Variants in PCDHGB5 observed in about 807,000 individuals in gnomAD.
PCDHGB5 encodes protocadherin gamma subfamily B, 5.
PCDHGB5 carries 48 observed loss-of-function variants against 62.9 expected under a neutral mutation model. The observed-to-expected ratio is 0.76, with a 90% CI of 0.61 to 0.97. PCDHGB5 has a LOEUF of 0.97. Ranked by LOEUF, PCDHGB5 falls within the 50% of genes least tolerant of loss-of-function variation. The pLI is 0.00. For synonymous variants in PCDHGB5, 474 were observed against 511.2 expected (o/e 0.93, Z 0.98); for missense variants, 1,118 against 1,198.6 (o/e 0.93, Z 0.99).
chr5:141,488,815 T>A (rs769851687), intron 1 of PCDHGB5, among the ~76,000 whole-genome samples: 30 of 152,144 alleles, frequency 2.0e-4, no homozygotes, highest in Non-Finnish European at 4.1e-4. Context: ...ATCTGAGCTG[T>A]CAAACTTTGC....
At chr5:141,499,025 GAAGA>G (rs1309889371) in intron 2 of PCDHGB5, among the ~76,000 whole-genome samples, 11 of 140,712 alleles carry the variant, frequency 7.8e-5, no homozygotes, top group African/African-American at 2.6e-4. Flanking sequence ...AGGAAGGAAG[GAAGA>G]AAAGAAAGAA....
At chr5:141,409,674 TAGTGGCG>T in intron 1 of PCDHGB5, 1 of 1,613,414 alleles carries the variant, frequency 6.2e-7, no homozygotes, top group Non-Finnish European at 8.5e-7. Flanking sequence ...TCCTACTCTA[TAGTGGCG>T]AGTGACCTAG....
chr5:141,431,111 G>A lies in PCDHGB5; in HGVS notation c.2397+30587G>A, dbSNP rs2097343539. The A allele has an allele frequency of 1.9e-6, 3 of 1,614,110 alleles. No individual in the cohort carries two copies. Among genetic ancestry groups the A allele is most frequent in the Non-Finnish European group, 2.5e-6 (3 of 1,180,034 alleles). On this transcript the variant is annotated intron_variant, in intron 1 of 3. Coordinates refer to ENST00000617380, the MANE Select transcript of PCDHGB5 (RefSeq NM_018925.3). This position sits in a 1 kb window ranked among gnomAD's most constrained non-coding sequence, Gnocchi z 4.8. ...GATGGAGGATAAAGTGAAAATATAT[G>A]GAGTAGAAGTAGAAGTAAGGGACAT...
intron 1 of PCDHGB5, chr5:141,424,789 A>T (rs538504226): frequency 2.0e-5 from 3 of 152,238 alleles, no homozygotes; most frequent in African/African-American, 7.2e-5. Flanking sequence ...CAGTTCTTTT[A>T]TTCAGACCAA....
Position 141,431,829 on chromosome 5 carries a change from C to T in PCDHGB5, c.2397+31305C>T, listed in dbSNP as rs758915768. On this transcript the variant is annotated intron_variant, in intron 1 of 3. Transcript: ENST00000617380. The surrounding 1 kb of genome is among the most constrained non-coding windows in gnomAD (Gnocchi z 4.8). ...CTCACCTCTCTCGCCAGCTCGGTTC[C>T]CGAAAACTCTCCCAGAGGGACATTA... The T allele has an allele frequency of 1.9e-6, 3 of 1,613,928 alleles. No individual in the cohort carries two copies. The highest frequency in any genetic ancestry group is 2.2e-5 in the South Asian group (2 of 91,090).
chr5:141,476,979 G>A lies in PCDHGB5; in HGVS notation c.2398-17828G>A, dbSNP rs772801536. On this transcript the variant is annotated intron_variant, in intron 1 of 3. Coordinates refer to ENST00000617380, the MANE Select transcript of PCDHGB5 (RefSeq NM_018925.3). The surrounding 1 kb of genome is among the most constrained non-coding windows in gnomAD (Gnocchi z 7.6). ...ATTTACTCCTTCGGCAGCCACAACC[G>A]CGCCGGCGTGCGGCAACTATTCGCC... The A allele has an allele frequency of 1.9e-6, 3 of 1,614,238 alleles. No homozygotes were observed. The South Asian group carries it at 3.3e-5, about 18-fold the overall frequency.
chr5:141,423,877 C>G, intron 1 of PCDHGB5: 1 of 1,283,890 alleles, frequency 7.8e-7, no homozygotes, highest in South Asian at 3.4e-5. Flanking sequence ...ATTTTTCAAT[C>G]TTGGCATATT....
At chr5:141,498,826 A>G (rs1186868890) in intron 2 of PCDHGB5, among the ~76,000 whole-genome samples, 1 of 152,006 alleles carries the variant, frequency 6.6e-6, no homozygotes, top group African/African-American at 2.4e-5. Context: ...CCAGCTACTC[A>G]GGAGGCTGAG....
At chr5:141,407,875 A>G (rs957717882) in intron 1 of PCDHGB5, 8 of 361,396 alleles carry the variant, frequency 2.2e-5, no homozygotes, top group African/African-American at 8.4e-5. Context: ...AAGAATATAT[A>G]CATTTCGGAG....
intron 1 of PCDHGB5, among the ~76,000 whole-genome samples, chr5:141,467,727 T>C (rs1562013145): frequency 6.6e-6 from 1 of 152,046 alleles, no homozygotes; most frequent in African/African-American, 2.4e-5. Flanking sequence ...AGTGGCACAA[T>C]CCCAGCTCGC....
chr5:141,461,072 A>G (rs555905734), intron 1 of PCDHGB5, among the ~76,000 whole-genome samples: 2 of 151,574 alleles, frequency 1.3e-5, no homozygotes, highest in Non-Finnish European at 2.9e-5. Flanking sequence ...ACATTTTTGC[A>G]ATTGTGAATT....
At chr5:141,408,969 C>G (rs1005367761) in intron 1 of PCDHGB5, 1 of 1,613,594 alleles carries the variant, frequency 6.2e-7, no homozygotes, top group African/African-American at 1.3e-5. Flanking sequence ...GAAAATCTGC[C>G]CCCTGGGTCC....
At chr5:141,500,475 C>T (rs1193752670) in intron 2 of PCDHGB5, among the ~76,000 whole-genome samples, 1 of 152,024 alleles carries the variant, frequency 6.6e-6, no homozygotes, top group African/African-American at 2.4e-5. Flanking sequence ...TCCCAAAGTG[C>T]TGGGATTACA....
chr5:141,481,142 G>T (rs2099532501), intron 1 of PCDHGB5, among the ~76,000 whole-genome samples: 1 of 152,212 alleles, frequency 6.6e-6, no homozygotes, highest in Non-Finnish European at 1.5e-5. Context: ...GAAGTAAAGT[G>T]TTATTCTGGT....
At chr5:141,403,860 C>A (rs201458472) in intron 1 of PCDHGB5, 1 of 1,613,382 alleles carries the variant, frequency 6.2e-7, no homozygotes, top group Non-Finnish European at 8.5e-7. Flanking sequence ...GAAATATCAA[C>A]AGCAAAAAGT....
rs1228153118 is a variant in PCDHGB5 at position 141,433,077 on chromosome 5, C to G, written c.2397+32553C>G. 5.0e-6 allele frequency: 8 copies of G among 1,614,080 alleles called. No homozygotes were observed. The African/African-American group carries it at 6.7e-5, about 13-fold the overall frequency. On this transcript the variant is annotated intron_variant, in intron 1 of 3. Transcript: ENST00000617380. Reference sequence around the variant, plus strand: ...AAGAGTCACCTGATCTTCCCCCAGCCCAACTATGCAGACATGCTCGTCAGC... The same window carrying G: ...AAGAGTCACCTGATCTTCCCCCAGCGCAACTATGCAGACATGCTCGTCAGC...
chr5:141,489,085 G>A lies in PCDHGB5; in HGVS notation c.2398-5722G>A, dbSNP rs1347512723. The A allele has an allele frequency of 2.6e-5, 6 of 230,066 alleles. No homozygotes were observed. The South Asian group carries it at 4.3e-4, about 16-fold the overall frequency. 14.3% of individuals were successfully genotyped at this position (230,066 alleles called of 1,614,324 possible). A position where few individuals can be genotyped will look rare whatever the true frequency, so the allele number is the denominator to read the frequency against. Reference sequence around the variant, plus strand: ...TCCCCCCTGCCCACCCCCGCCACTCGGTGACTAAGAACTGCTGCAAGCAGG... The same window carrying A: ...TCCCCCCTGCCCACCCCCGCCACTCAGTGACTAAGAACTGCTGCAAGCAGG... On this transcript the variant is annotated intron_variant, in intron 1 of 3. Coordinates refer to ENST00000617380, the MANE Select transcript of PCDHGB5 (RefSeq NM_018925.3). The surrounding 1 kb of genome is among the most constrained non-coding windows in gnomAD (Gnocchi z 4.5).
At chr5:141,418,310 G>C (rs778649723) in intron 1 of PCDHGB5, 2 of 1,613,990 alleles carry the variant, frequency 1.2e-6, no homozygotes, top group Non-Finnish European at 1.7e-6. Context: ...CCTGGGGATG[G>C]GAACAATTCT....
intron 1 of PCDHGB5, chr5:141,420,339 T>C: frequency 7.2e-7 from 1 of 1,395,458 alleles, no homozygotes; most frequent in Non-Finnish European, 9.6e-7. Context: ...TCCAATATAG[T>C]GGTATTATTT....
Sources: gnomAD v4.1 joint callset for allele counts (sites outside exome capture counted in the v4.1 genomes callset) on GRCh38, gnomAD v4.1.1 for gene constraint, Gnocchi (gnomAD v3.1) non-coding constraint, MANE v1.5 for transcripts, NCBI Gene and HGNC (gene_info 2026-07-23, HGNC 2026-07-21) for gene names.